Variants in KCND2 observed in about 807,000 individuals in gnomAD.
The protein encoded by KCND2 is potassium voltage-gated channel subfamily D member 2.
In KCND2, 16 loss-of-function variants were observed where a neutral mutation model predicts 54.4. The ratio of observed to expected loss-of-function variants is 0.29; its 90% CI spans 0.20 to 0.45. The LOEUF is 0.45. Ranked by LOEUF, KCND2 falls within the 20% of genes least tolerant of loss-of-function variation. The probability of loss-of-function intolerance (pLI) is 1.00; values close to 1 mark genes in which losing one functional copy is unlikely to be tolerated. For synonymous variants in KCND2, 317 were observed against 310.7 expected, an observed-to-expected ratio of 1.02 and a Z score of -0.21; for missense variants, 486 against 824.2, an observed-to-expected ratio of 0.59 and a Z score of 5.02.
At chr7:120,639,907 T>A (rs1384083236) in intron 1 of KCND2, among the ~76,000 whole-genome samples, 1 of 152,128 alleles carries the variant, frequency 6.6e-6, no homozygotes, top group South Asian at 2.1e-4. Flanking sequence ...TTTTCTATTT[T>A]TTTTTTACCT....
At chr7:120,598,316 A>G (rs1219108881) in intron 1 of KCND2, among the ~76,000 whole-genome samples, 2 of 152,240 alleles carry the variant, frequency 1.3e-5, no homozygotes, top group Admixed American at 6.5e-5. Context: ...TTACTGCTCA[A>G]TGTTTAATGC....
chr7:120,648,898 T>A (rs1791673002), intron 1 of KCND2, among the ~76,000 whole-genome samples: 1 of 152,198 alleles, frequency 6.6e-6, no homozygotes, highest in Non-Finnish European at 1.5e-5. Context: ...TGTCTTCTAA[T>A]TTCTCAAAAG....
At chr7:120,393,187 C>A (rs1437532307) in intron 1 of KCND2, among the ~76,000 whole-genome samples, 1 of 151,844 alleles carries the variant, frequency 6.6e-6, no homozygotes, top group Non-Finnish European at 1.5e-5. Flanking sequence ...GACCTTGGGA[C>A]AATATTTAAT....
intron 1 of KCND2, among the ~76,000 whole-genome samples, chr7:120,527,829 A>T (rs2116358817): frequency 6.6e-6 from 1 of 152,264 alleles, no homozygotes; most frequent in East Asian, 1.9e-4. Flanking sequence ...AAGTATAAGG[A>T]CATGTTTATG....
chr7:120,628,861 A>T (rs542465886), intron 1 of KCND2, among the ~76,000 whole-genome samples: 1 of 152,246 alleles, frequency 6.6e-6, no homozygotes, highest in East Asian at 1.9e-4. Context: ...AATTCAATAA[A>T]TTTTTATTGT....
At chr7:120,505,766 A>G (rs1803006201) in intron 1 of KCND2, among the ~76,000 whole-genome samples, 1 of 151,694 alleles carries the variant, frequency 6.6e-6, no homozygotes, top group South Asian at 2.1e-4. Context: ...CATAAATAAG[A>G]AAAAAGTACT....
chr7:120,694,070 C>G (rs1215858276), intron 1 of KCND2, among the ~76,000 whole-genome samples: 1 of 152,070 alleles, frequency 6.6e-6, no homozygotes, highest in Non-Finnish European at 1.5e-5. Context: ...AGAAAATAGA[C>G]AAAAAGGATC....
chr7:120,713,702 A>G (rs192200646), intron 1 of KCND2, among the ~76,000 whole-genome samples: 2 of 152,280 alleles, frequency 1.3e-5, no homozygotes, highest in Admixed American at 1.3e-4. Context: ...CTAATCTGCA[A>G]TTTAGTTGTA....
At chr7:120,404,250 T>C (rs1001744069) in intron 1 of KCND2, among the ~76,000 whole-genome samples, 8 of 152,152 alleles carry the variant, frequency 5.3e-5, no homozygotes, top group African/African-American at 1.9e-4. Flanking sequence ...GGTTTAATAA[T>C]GAACCTTGGG....
At chr7:120,509,265 A>G (rs1333309129) in intron 1 of KCND2, among the ~76,000 whole-genome samples, 2 of 152,030 alleles carry the variant, frequency 1.3e-5, no homozygotes, top group Admixed American at 6.6e-5. Flanking sequence ...ACATTTGAGT[A>G]AAGTATGGAC....
chr7:120,737,175 A>G (rs932174957), intron 2 of KCND2, among the ~76,000 whole-genome samples: 2 of 151,836 alleles, frequency 1.3e-5, no homozygotes, highest in Non-Finnish European at 2.9e-5. Flanking sequence ...AATTTTGCTA[A>G]TAAATTCCCA....
intron 1 of KCND2, among the ~76,000 whole-genome samples, chr7:120,292,919 A>G (rs1312439221): frequency 6.6e-6 from 1 of 151,894 alleles, no homozygotes; most frequent in African/African-American, 2.4e-5. Context: ...TCTGAAGCTG[A>G]TCTGACTGGA....
At chr7:120,359,822 C>T (rs139932860) in intron 1 of KCND2, among the ~76,000 whole-genome samples, 4 of 152,092 alleles carry the variant, frequency 2.6e-5, no homozygotes, top group African/African-American at 7.2e-5. Context: ...ATGCTGTTCT[C>T]GTGATAGTGA....
intron 1 of KCND2, among the ~76,000 whole-genome samples, chr7:120,356,965 C>A (rs1800515167): frequency 6.6e-6 from 1 of 152,242 alleles, no homozygotes; most frequent in East Asian, 1.9e-4. Flanking sequence ...AGTTAGACTT[C>A]CAGGCTGAGC....
chr7:120,669,879 G>A (rs1249719061), intron 1 of KCND2, among the ~76,000 whole-genome samples: 1 of 151,998 alleles, frequency 6.6e-6, no homozygotes, highest in Non-Finnish European at 1.5e-5. Flanking sequence ...TAATAATAAA[G>A]GCTAGAGGGA....
intron 1 of KCND2, among the ~76,000 whole-genome samples, chr7:120,677,663 C>T (rs892419170): frequency 6.6e-6 from 1 of 151,504 alleles, no homozygotes; most frequent in African/African-American, 2.4e-5. Flanking sequence ...CATAGGATCC[C>T]CTCCTTCTGA....
chr7:120,678,888 C>T (rs1325154084), intron 1 of KCND2, among the ~76,000 whole-genome samples: 1 of 150,994 alleles, frequency 6.6e-6, no homozygotes, highest in Non-Finnish European at 1.5e-5. Context: ...AGTTCTGAAG[C>T]TTGACCCAAT....
intron 1 of KCND2, among the ~76,000 whole-genome samples, chr7:120,382,642 A>G (rs952056558): frequency 9.9e-5 from 15 of 151,986 alleles, no homozygotes; most frequent in Middle Eastern, 3.4e-3. Context: ...CAACTTAAGT[A>G]TCTTTTCTTG....
chr7:120,618,113 C>T (rs989899845), intron 1 of KCND2, among the ~76,000 whole-genome samples: 17 of 152,078 alleles, frequency 1.1e-4, no homozygotes, highest in Non-Finnish European at 2.2e-4. Context: ...CCCAGTGACA[C>T]GATTTACTAG....
Sources: gnomAD v4.1 joint callset for allele counts (sites outside exome capture counted in the v4.1 genomes callset) on GRCh38, gnomAD v4.1.1 for gene constraint, MANE v1.5 for transcripts, NCBI Gene and HGNC (gene_info 2026-07-23, HGNC 2026-07-21) for gene names.